Variants in ARHGAP18 observed in about 807,000 individuals in gnomAD.
The protein encoded by ARHGAP18 is Rho GTPase activating protein 18, also known as rho GTPase-activating protein 18.
Under a neutral mutation model 86.2 loss-of-function variants are expected in ARHGAP18, and 67 were observed. The ratio of observed to expected loss-of-function variants is 0.78; its 90% CI spans 0.64 to 0.95. The LOEUF is 0.95. Among genes scored for constraint, ARHGAP18 ranks in the 40% least tolerant of loss-of-function variants. ARHGAP18 has a pLI of 0.00. For missense variants in ARHGAP18, 691 were observed against 780.4 expected (o/e 0.89, Z 1.37); for synonymous variants, 283 against 280.4 (o/e 1.01, Z -0.09).
At chr6:129,582,916 A>G (rs1166358371) in intron 13 of ARHGAP18, among the ~76,000 whole-genome samples, 7 of 152,204 alleles carry the variant, frequency 4.6e-5, no homozygotes, top group Non-Finnish European at 8.8e-5. Context: ...GATATTACCA[A>G]TAAGCCTCTC....
chr6:129,603,076 A>AT (rs35131144), intron 10 of ARHGAP18, among the ~76,000 whole-genome samples: 1 of 151,300 alleles, frequency 6.6e-6, no homozygotes, highest in South Asian at 2.1e-4. Flanking sequence ...GATTTCTAAG[A>AT]TTTTGGTGTG....
intron 1 of ARHGAP18, among the ~76,000 whole-genome samples, chr6:129,645,843 C>T (rs1169240414): frequency 2.0e-5 from 3 of 152,112 alleles, no homozygotes. Flanking sequence ...TCTTCTTTTC[C>T]ATCTTGCTAG....
At chr6:129,699,972 T>A (rs987660219) in intron 1 of ARHGAP18, among the ~76,000 whole-genome samples, 2 of 152,290 alleles carry the variant, frequency 1.3e-5, no homozygotes, top group African/African-American at 2.4e-5. Context: ...AGACTAACAG[T>A]ACAGTTTTCA....
intron 1 of ARHGAP18, among the ~76,000 whole-genome samples, chr6:129,683,831 C>T (rs185011731): frequency 1.4e-4 from 22 of 152,192 alleles, no homozygotes; most frequent in Non-Finnish European, 3.1e-4. Flanking sequence ...ATGATGTGGG[C>T]ATACCTGGAA....
intron 1 of ARHGAP18, among the ~76,000 whole-genome samples, chr6:129,654,367 C>A (rs1355766313): frequency 2.0e-5 from 3 of 152,194 alleles, no homozygotes; most frequent in Non-Finnish European, 4.4e-5. Flanking sequence ...GGATTAAACC[C>A]CAGAAGCTGG....
chr6:129,648,363 T>G (rs923945500), intron 1 of ARHGAP18, among the ~76,000 whole-genome samples: 1 of 151,892 alleles, frequency 6.6e-6, no homozygotes, highest in Non-Finnish European at 1.5e-5. Flanking sequence ...AGAGTCTCCT[T>G]GTATTGCCAA....
intron 1 of ARHGAP18, among the ~76,000 whole-genome samples, chr6:129,666,520 A>C (rs1774040909): frequency 6.6e-6 from 1 of 152,068 alleles, no homozygotes; most frequent in Non-Finnish European, 1.5e-5. Flanking sequence ...CCTTTGGAGC[A>C]CCTACTAGTT....
intron 1 of ARHGAP18, among the ~76,000 whole-genome samples, chr6:129,708,279 A>T (rs2114562533): frequency 6.6e-6 from 1 of 152,250 alleles, no homozygotes. Context: ...TGGGCAGGCT[A>T]CGTGACAGCC....
At chr6:129,707,610 C>T (rs977921729) in intron 1 of ARHGAP18, among the ~76,000 whole-genome samples, 3 of 151,282 alleles carry the variant, frequency 2.0e-5, no homozygotes, top group Non-Finnish European at 4.4e-5. Flanking sequence ...GCTGGGACCA[C>T]GGGCATGCAC....
At chr6:129,625,851 ATTATAT>A (rs1400209148) in intron 5 of ARHGAP18, among the ~76,000 whole-genome samples, 6 of 78,016 alleles carry the variant, frequency 7.7e-5, no homozygotes, top group Non-Finnish European at 1.4e-4. Flanking sequence ...TATATTATAT[ATTATAT>A]TTATATATTA....
intron 1 of ARHGAP18, among the ~76,000 whole-genome samples, chr6:129,669,782 CAA>C (rs58032097): frequency 2.2e-5 from 3 of 138,824 alleles, no homozygotes; most frequent in Non-Finnish European, 3.2e-5. Flanking sequence ...TGAAACGTCT[CAA>C]AAAAAAAAAT....
At chr6:129,644,094 G>T (rs554790459) in intron 1 of ARHGAP18, among the ~76,000 whole-genome samples, 34 of 152,296 alleles carry the variant, frequency 2.2e-4, no homozygotes, top group Admixed American at 9.8e-4. Context: ...CCTTGGGGTG[G>T]CGATGGGTGG....
At chr6:129,673,043 T>C (rs1459103938) in intron 1 of ARHGAP18, among the ~76,000 whole-genome samples, 1 of 152,244 alleles carries the variant, frequency 6.6e-6, no homozygotes, top group East Asian at 1.9e-4. Context: ...CTCCACTTCC[T>C]GCCCAGTTTC....
chr6:129,631,949 T>C (rs1431040543), intron 4 of ARHGAP18, among the ~76,000 whole-genome samples: 2 of 152,084 alleles, frequency 1.3e-5, no homozygotes, highest in Non-Finnish European at 2.9e-5. Context: ...GTGAATTAAT[T>C]TGGAATGTGA....
intron 12 of ARHGAP18, among the ~76,000 whole-genome samples, chr6:129,589,385 G>T (rs1442733451): frequency 6.6e-6 from 1 of 152,152 alleles, no homozygotes; most frequent in African/African-American, 2.4e-5. Context: ...CTTTGCTAAA[G>T]TATAGCAAGA....
intron 1 of ARHGAP18, among the ~76,000 whole-genome samples, chr6:129,677,758 C>T (rs1479480588): frequency 6.6e-6 from 1 of 152,214 alleles, no homozygotes; most frequent in Non-Finnish European, 1.5e-5. Context: ...CTTTCCCACA[C>T]ATCCCCAACC....
At chr6:129,650,087 T>A (rs1773677176) in intron 1 of ARHGAP18, among the ~76,000 whole-genome samples, 1 of 150,970 alleles carries the variant, frequency 6.6e-6, no homozygotes, top group Admixed American at 6.6e-5. Context: ...TAATTTTTTT[T>A]TTTTTTTTGT....
chr6:129,629,572 T>A (rs570339201), intron 4 of ARHGAP18, 50 bp from the exon 5 acceptor site: 138 of 1,551,102 alleles, frequency 8.9e-5, no homozygotes, highest in Admixed American at 3.5e-4. Flanking sequence ...ATTTATTTTT[T>A]AAAAAAAATT....
chr6:129,597,957 T>C (rs1027131309), intron 12 of ARHGAP18, among the ~76,000 whole-genome samples: 2 of 152,134 alleles, frequency 1.3e-5, no homozygotes, highest in African/African-American at 4.8e-5. Flanking sequence ...AACGTTTCAG[T>C]TTTTCTAAAT....
Sources: gnomAD v4.1 joint callset for allele counts (sites outside exome capture counted in the v4.1 genomes callset) on GRCh38, gnomAD v4.1.1 for gene constraint, MANE v1.5 for transcripts, NCBI Gene and HGNC (gene_info 2026-07-23, HGNC 2026-07-21) for gene names.